CCDC50: variants seen among roughly 807,000 people sequenced by gnomAD.
CCDC50 encodes the protein coiled-coil domain-containing protein 50.
CCDC50 carries 54 observed loss-of-function variants against 70.2 expected under a neutral mutation model. That is an observed-to-expected ratio of 0.77 (90% CI 0.62 to 0.96). The LOEUF (loss-of-function observed/expected upper bound fraction) is 0.96, where lower values mean the gene tolerates loss of function less well. Among genes scored for constraint, CCDC50 ranks in the 50% least tolerant of loss-of-function variants. CCDC50 has a pLI of 0.00. For missense variants in CCDC50, 558 were observed against 578.7 expected (o/e 0.96, Z 0.37); for synonymous variants, 216 against 198.8 (o/e 1.09, Z -0.73).
chr3:191,335,528 A>G (rs1711505124), intron 1 of CCDC50, among the ~76,000 whole-genome samples: 1 of 152,178 alleles, frequency 6.6e-6, no homozygotes, highest in African/African-American at 2.4e-5. Context: ...GAATTTAAAA[A>G]CCAGCGCAAG....
At chr3:191,333,602 G>A (rs1229581071) in intron 1 of CCDC50, among the ~76,000 whole-genome samples, 2 of 152,134 alleles carry the variant, frequency 1.3e-5, no homozygotes, top group Non-Finnish European at 2.9e-5. Flanking sequence ...GGAGGTTTAT[G>A]TCTTAGTTAT....
intron 10 of CCDC50, among the ~76,000 whole-genome samples, chr3:191,386,560 G>C (rs540958940): frequency 6.6e-6 from 1 of 152,252 alleles, no homozygotes; most frequent in East Asian, 1.9e-4. Flanking sequence ...TCCAACCCAT[G>C]AGCATAGAGT....
In CCDC50 at chr3:191,358,059, G is replaced by A. The variant is rs75884594; in HGVS notation, c.174G>A (p.Val58=). 3 of 1,614,042 alleles carry A rather than the reference G, an allele frequency of 1.9e-6. No individual in the cohort carries two copies. In the African/African-American group the frequency reaches 4.0e-5, roughly 22 times the overall value. ...RNRLVQHDLQ[V]AKQLQEEDLK... is the part of the protein sequence containing the mutation. ...GTTTGGTCCAGCATGATCTCCAGGT[G>A]GCTAAGCAGCTCCAAGAGGAAGATC... Residue 58 remains valine (V), a synonymous_variant, in exon 3 of 12, where the codon GTG becomes GTA. Transcript: ENST00000392455.
At chr3:191,330,076 G>C (rs1717914072) in intron 1 of CCDC50, among the ~76,000 whole-genome samples, 1 of 152,096 alleles carries the variant, frequency 6.6e-6, no homozygotes, top group Non-Finnish European at 1.5e-5. Flanking sequence ...TCGAGGCCCA[G>C]CCTGGCTGGC....
At chr3:191,358,710 A>C (rs1053086416) in intron 3 of CCDC50, among the ~76,000 whole-genome samples, 1 of 152,244 alleles carries the variant, frequency 6.6e-6, no homozygotes, top group Non-Finnish European at 1.5e-5. Flanking sequence ...TTCTTTTGGC[A>C]CAGTGACTTT....
chr3:191,388,403 T>C (rs1229365522), intron 10 of CCDC50, among the ~76,000 whole-genome samples: 1 of 152,164 alleles, frequency 6.6e-6, no homozygotes, highest in Non-Finnish European at 1.5e-5. Context: ...GGACAGATTA[T>C]TTACCTCATC....
chr3:191,358,775 C>T (rs977820523), intron 3 of CCDC50, among the ~76,000 whole-genome samples: 1 of 152,162 alleles, frequency 6.6e-6, no homozygotes, highest in Non-Finnish European at 1.5e-5. Flanking sequence ...TTGAGAGTGG[C>T]TCTTACATCC....
At chr3:191,358,266 A>T (rs891114166) in intron 3 of CCDC50, 142 bp downstream of exon 3, 46 of 1,131,562 alleles carry the variant, frequency 4.1e-5, no homozygotes, top group Non-Finnish European at 5.3e-5. Context: ...TGGATGTCTA[A>T]CAGTTTTTTT....
chr3:191,381,745 G>A (rs1713328386), intron 9 of CCDC50, among the ~76,000 whole-genome samples: 1 of 152,044 alleles, frequency 6.6e-6, no homozygotes, highest in African/African-American at 2.4e-5. Flanking sequence ...TTTTAGGGAG[G>A]GAGTTTAGGC....
rs116567772 is a variant in CCDC50 at position 191,386,830 on chromosome 3, G to C, written c.1323-2666G>C. 3.4e-3 allele frequency among the ~76,000 whole-genome samples: 511 copies of C among 152,266 alleles called. 4 individuals carry two copies. The highest frequency in any genetic ancestry group is 0.012 in the African/African-American group (489 of 41,556). On this transcript the variant is annotated intron_variant, in intron 10 of 11. Transcript: ENST00000392455. ...ACACTGTTGAAAGAAGTTTTCTACTGTTTTTAAGGAAATAGAGGATCACTT... is the reference window on the plus strand; with the variant it reads ...ACACTGTTGAAAGAAGTTTTCTACTCTTTTTAAGGAAATAGAGGATCACTT...
At chr3:191,386,073 T>C (rs1286878257) in intron 10 of CCDC50, among the ~76,000 whole-genome samples, 1 of 152,208 alleles carries the variant, frequency 6.6e-6, no homozygotes, top group African/African-American at 2.4e-5. Context: ...CCCTTTGTTC[T>C]TATTGCTTAG....
Position 191,329,412 on chromosome 3 carries a change from T to C in CCDC50, c.-263T>C, listed in dbSNP as rs1717859875. 1 of 404,570 alleles carries C rather than the reference T, an allele frequency of 2.5e-6. No individual in the cohort carries two copies. Among genetic ancestry groups the C allele is most frequent in the Non-Finnish European group, 4.3e-6 (1 of 229,936 alleles). 25.1% of individuals were successfully genotyped at this position (404,570 alleles called of 1,614,324 possible). A position where few individuals can be genotyped will look rare whatever the true frequency, so the allele number is the denominator to read the frequency against. ...CCGGTCCATTTCCGGGCTCCGGATA[T>C]TTGGTATCGATTGGGGCCGGGGACG... On this transcript the variant is annotated 5_prime_UTR_variant, in exon 1 of 12. Transcript: ENST00000392455.
chr3:191,349,526 A>G (rs1712034974), intron 1 of CCDC50, among the ~76,000 whole-genome samples: 1 of 141,186 alleles, frequency 7.1e-6, no homozygotes, highest in Non-Finnish European at 1.6e-5. Flanking sequence ...GTCACTACCT[A>G]GGGTTTCCTG....
At chr3:191,357,009 A>T in intron 1 of CCDC50, 79 bp from the exon 2 acceptor site, 1 of 855,850 alleles carries the variant, frequency 1.2e-6, no homozygotes, top group Non-Finnish European at 1.9e-6. Flanking sequence ...TTTTAAAGTA[A>T]AAAAAAAAAA....
At chr3:191,382,932 A>G (rs1312847169) in intron 10 of CCDC50, 107 bp downstream of exon 10, 22 of 807,114 alleles carry the variant, frequency 2.7e-5, no homozygotes, top group Non-Finnish European at 4.4e-5. Flanking sequence ...AGATCCAAAA[A>G]TCTGCATTTG....
intron 5 of CCDC50, among the ~76,000 whole-genome samples, chr3:191,374,509 A>G (rs1039070674): frequency 6.6e-6 from 1 of 152,108 alleles, no homozygotes; most frequent in Non-Finnish European, 1.5e-5. Flanking sequence ...GTGACTGGGT[A>G]TGTTTGCTTT....
At chr3:191,389,345 A>T in intron 10 of CCDC50, 151 bp from the exon 11 acceptor site, 1 of 748,334 alleles carries the variant, frequency 1.3e-6, no homozygotes, top group Non-Finnish European at 2.5e-6. Flanking sequence ...ATTCAAGGCC[A>T]TGCAACTGTC....
Position 191,329,453 on chromosome 3 carries a change from C to G in CCDC50, c.-222C>G. On this transcript the variant is annotated 5_prime_UTR_variant, in exon 1 of 12. Coordinates refer to ENST00000392455, the MANE Select transcript of CCDC50 (RefSeq NM_178335.3). ...GCCGGGGACGCGGAGCAGGTGGCCG[C>G]GGCGGGGCAGCTGGGCCGCCAGCTT... 1 of 465,282 alleles carries G rather than the reference C, an allele frequency of 2.1e-6. No homozygotes were observed. Among genetic ancestry groups the G allele is most frequent in the Non-Finnish European group, 3.8e-6 (1 of 265,484 alleles). The allele number at this position is 465,282 out of a possible 1,614,324, so 28.8% of individuals were successfully genotyped here.
At chr3:191,335,451 A>G (rs181519040) in intron 1 of CCDC50, among the ~76,000 whole-genome samples, 18 of 152,326 alleles carry the variant, frequency 1.2e-4, no homozygotes, top group Middle Eastern at 3.4e-3. Flanking sequence ...AAGGATAATT[A>G]GTTTTTATAT....
Sources: allele counts gnomAD v4.1 joint callset (sites outside exome capture counted in the v4.1 genomes callset), GRCh38; gene constraint gnomAD v4.1.1; transcripts MANE v1.5; gene names NCBI Gene and HGNC (gene_info 2026-07-23, HGNC 2026-07-21).